The following MINDY4 variants were observed in gnomAD, a reference collection of about 807,000 sequenced individuals.
The protein encoded by MINDY4 is probable ubiquitin carboxyl-terminal hydrolase MINDY-4.
A neutral mutation model predicts 87.0 loss-of-function variants in MINDY4; 68 were observed. That is an observed-to-expected ratio of 0.78 (90% CI 0.64 to 0.96). The LOEUF (loss-of-function observed/expected upper bound fraction) is 0.96, where lower values mean the gene tolerates loss of function less well. MINDY4 is among the 40% of genes least tolerant of loss of function. The probability of loss-of-function intolerance (pLI) is 0.00; values close to 1 mark genes in which losing one functional copy is unlikely to be tolerated. For synonymous variants in MINDY4, 379 were observed against 363.2 expected (o/e 1.04, Z -0.50); for missense variants, 919 against 928.2 (o/e 0.99, Z 0.13).
At chr7:30,836,637 A>G (rs775653982) in intron 6 of MINDY4, 21 bp from the exon 7 acceptor site, 24 of 1,575,296 alleles carry the variant, frequency 1.5e-5, no homozygotes, top group East Asian at 4.5e-5. Context: ...AAGGGCTCAC[A>G]TGGCCATGGT....
At chr7:30,880,566 ACT>A (rs1307334014) in intron 15 of MINDY4, among the ~76,000 whole-genome samples, 2 of 151,552 alleles carry the variant, frequency 1.3e-5, no homozygotes, top group African/African-American at 4.9e-5. Context: ...TGGCTTTGGG[ACT>A]CTCTCCCTGC....
At chr7:30,809,687 A>T (rs544859828) in intron 5 of MINDY4, among the ~76,000 whole-genome samples, 1 of 152,306 alleles carries the variant, frequency 6.6e-6, no homozygotes, top group African/African-American at 2.4e-5. Context: ...TAACAGTGTA[A>T]CATGTATTAT....
chr7:30,872,407 C>T, intron 14 of MINDY4, 101 bp downstream of exon 14: 2 of 1,103,768 alleles, frequency 1.8e-6, no homozygotes, highest in South Asian at 1.4e-5. Flanking sequence ...AAAGACAAGT[C>T]TTTCTTGCCT....
intron 13 of MINDY4, among the ~76,000 whole-genome samples, chr7:30,861,685 G>A (rs1789771668): frequency 6.6e-6 from 1 of 152,256 alleles, no homozygotes; most frequent in African/African-American, 2.4e-5. Context: ...CACAGCTCCT[G>A]GTGGGTACAA....
intron 17 of MINDY4, among the ~76,000 whole-genome samples, chr7:30,886,849 C>G (rs561702163): frequency 6.6e-5 from 10 of 152,204 alleles, no homozygotes; most frequent in African/African-American, 2.4e-4. Context: ...TGCCCCCTCC[C>G]ACTGTTATAC....
chr7:30,791,314 CCTG>C lies in MINDY4; in HGVS notation c.814_816del (p.Leu272del). On this transcript the variant is annotated inframe_deletion, in exon 5 of 18. Coordinates refer to ENST00000265299, the MANE Select transcript of MINDY4 (RefSeq NM_032222.3). The stretch of plus-strand genomic sequence containing the variant: ...GCAACAGCTCCCCCTCCAGGACCTC[CCTG>C]GGTCAGCTTAGTGAACTGACCGTAG... The C allele has an allele frequency of 1.9e-6, 3 of 1,614,182 alleles. No homozygotes were observed. Among genetic ancestry groups the C allele is most frequent in the South Asian group, 2.2e-5 (2 of 91,082 alleles).
intron 11 of MINDY4, among the ~76,000 whole-genome samples, chr7:30,852,876 T>G (rs1463924388): frequency 2.6e-5 from 4 of 152,254 alleles, no homozygotes; most frequent in Admixed American, 1.3e-4. Context: ...CGTGTTGCCC[T>G]GTGACCCTAA....
At position 30,882,313 on chromosome 7, in the gene MINDY4, T is replaced by C. The variant is rs1412491221; in HGVS notation, c.2104T>C (p.Tyr702His). Reference protein sequence around the residue: ...WRTERLFDLYYYDGLANQQEQ... With the variant: ...WRTERLFDLYHYDGLANQQEQ... ...GACTGAGAGGCTCTTTGACTTGTAC[T>C]ACTACGATGGCCTGGCCAACCAGCA... Residue 702 changes from tyrosine to histidine, a missense_variant, in exon 16 of 18, where the codon TAC becomes CAC. Coordinates refer to ENST00000265299, the MANE Select transcript of MINDY4 (RefSeq NM_032222.3). The C allele has an allele frequency of 6.2e-7, 1 of 1,612,178 alleles. No homozygotes were observed. The highest frequency in any genetic ancestry group is 1.7e-5 in the Admixed American group (1 of 59,974).
intron 5 of MINDY4, among the ~76,000 whole-genome samples, chr7:30,797,469 G>C (rs577905296): frequency 6.6e-5 from 10 of 152,180 alleles, no homozygotes; most frequent in Non-Finnish European, 1.3e-4. Context: ...AGGAGACAGG[G>C]AACTTGCACT....
intron 5 of MINDY4, among the ~76,000 whole-genome samples, chr7:30,794,023 C>G (rs1787403428): frequency 6.6e-6 from 1 of 152,122 alleles, no homozygotes; most frequent in Non-Finnish European, 1.5e-5. Flanking sequence ...GGGTGCAGAT[C>G]CAAGGGCACA....
At chr7:30,859,824 G>A (rs1789695767) in intron 13 of MINDY4, among the ~76,000 whole-genome samples, 1 of 152,080 alleles carries the variant, frequency 6.6e-6, no homozygotes, top group Non-Finnish European at 1.5e-5. Context: ...TGGCAGGGCG[G>A]CTTGTCCTAA....
intron 17 of MINDY4, among the ~76,000 whole-genome samples, chr7:30,891,461 C>G (rs1339056652): frequency 1.3e-5 from 2 of 152,232 alleles, no homozygotes; most frequent in Non-Finnish European, 2.9e-5. Flanking sequence ...CACAGCCATT[C>G]ACTACCTTTC....
chr7:30,807,907 G>A (rs1022482881), intron 5 of MINDY4, among the ~76,000 whole-genome samples: 2 of 152,214 alleles, frequency 1.3e-5, no homozygotes, highest in African/African-American at 4.8e-5. Context: ...TTGGAGATGT[G>A]AGTCTTGCTG....
chr7:30,780,750 T>A (rs1344920667), intron 2 of MINDY4: 2 of 152,202 alleles, frequency 1.3e-5, no homozygotes, highest in Non-Finnish European at 2.9e-5. Context: ...AAAGGCTGTG[T>A]CTGTTGTGAG....
chr7:30,833,497 T>A (rs1033792910), intron 6 of MINDY4, among the ~76,000 whole-genome samples: 1 of 152,176 alleles, frequency 6.6e-6, no homozygotes, highest in East Asian at 1.9e-4. Flanking sequence ...CATGTGGGAA[T>A]TATGGGAGCT....
intron 5 of MINDY4, among the ~76,000 whole-genome samples, chr7:30,808,117 C>T (rs1306086574): frequency 1.3e-5 from 2 of 152,202 alleles, no homozygotes; most frequent in African/African-American, 4.8e-5. Flanking sequence ...CCTGAGAGCG[C>T]TCCCGGGTAG....
At position 30,862,165 on chromosome 7, in the gene MINDY4, C is replaced by T. The variant is rs148220424; in HGVS notation, c.1745+2841C>T. 3.5e-3 allele frequency among the ~76,000 whole-genome samples: 528 copies of T among 152,348 alleles called. 5 individuals are homozygous for T. The highest frequency in any genetic ancestry group is 0.012 in the African/African-American group (493 of 41,586). On this transcript the variant is annotated intron_variant, in intron 13 of 17. Transcript: ENST00000265299. ...CCTCCTGACTGTTGCATGCTTCCCC[C>T]GAGGGCCTGCAGGAGATGTGGGCAT... is the stretch of plus-strand genomic sequence containing the variant.
chr7:30,874,471 T>C (rs1790201812), intron 14 of MINDY4, among the ~76,000 whole-genome samples: 1 of 152,212 alleles, frequency 6.6e-6, no homozygotes, highest in Non-Finnish European at 1.5e-5. Flanking sequence ...TTGGTTATCC[T>C]GCATAAGGAA....
chr7:30,779,230 C>T (rs1786924277), intron 2 of MINDY4, among the ~76,000 whole-genome samples: 1 of 152,196 alleles, frequency 6.6e-6, no homozygotes, highest in Admixed American at 6.5e-5. Flanking sequence ...CCGCCAATAC[C>T]TTGGACACAG....
Sources: allele counts gnomAD v4.1 joint callset (sites outside exome capture counted in the v4.1 genomes callset), GRCh38; gene constraint gnomAD v4.1.1; transcripts MANE v1.5; gene names NCBI Gene and HGNC (gene_info 2026-07-23, HGNC 2026-07-21).